CTSH: variants seen among roughly 807,000 people sequenced by gnomAD.
CTSH encodes the protein cathepsin H, also known as pro-cathepsin H.
In CTSH, 52 loss-of-function variants were observed where a neutral mutation model predicts 56.3. The ratio of observed to expected loss-of-function variants is 0.92; its 90% CI spans 0.74 to 1.16. CTSH has a LOEUF of 1.16. Among genes scored for constraint, CTSH ranks in the 50% most tolerant of loss-of-function variants. The probability of loss-of-function intolerance (pLI) is 0.00; values close to 1 mark genes in which losing one functional copy is unlikely to be tolerated. For missense variants in CTSH, 406 were observed against 424.5 expected (o/e 0.96, Z 0.38); for synonymous variants, 174 against 155.7 (o/e 1.12, Z -0.88).
chr15:78,937,738 A>G (rs1413124006), intron 2 of CTSH: 3 of 1,339,422 alleles, frequency 2.2e-6, no homozygotes, highest in Non-Finnish European at 2.9e-6. Context: ...GGTCAAGTTT[A>G]CAGCAAAGAT....
intron 6 of CTSH, chr15:78,932,143 C>A: frequency 9.2e-7 from 1 of 1,085,100 alleles, no homozygotes; most frequent in South Asian, 1.8e-5. Context: ...AAGGACCACC[C>A]AGATCCATCT....
intron 10 of CTSH, 114 bp from the exon 11 acceptor site, chr15:78,923,232 A>G (rs901357681): frequency 3.3e-5 from 37 of 1,134,966 alleles, no homozygotes; most frequent in Non-Finnish European, 4.4e-5. Flanking sequence ...ACAGCGGACC[A>G]GGGAGGCATG....
At chr15:78,928,184 G>A in intron 8 of CTSH, among the ~76,000 whole-genome samples, 1 of 152,140 alleles carries the variant, frequency 6.6e-6, no homozygotes, top group East Asian at 1.9e-4. Flanking sequence ...AGGCAGGAGA[G>A]AAGGCAGCAG....
chr15:78,937,501 G>A lies in CTSH; in HGVS notation c.124-78C>T, dbSNP rs913947537. The stretch of plus-strand genomic sequence containing the variant: ...GAGGGAGACCTTTTTGTTTTCCTAA[G>A]AGGAAAGATGAAGGTTTTCTTTCTG... On this transcript the variant is annotated intron_variant, in intron 2 of 11. Transcript: ENST00000220166. 7.8e-6 allele frequency: 11 copies of A among 1,412,744 alleles called. No homozygotes were observed. In the African/African-American group the frequency reaches 1.2e-4, roughly 15 times the overall value. The allele number at this position is 1,412,744 out of a possible 1,614,324, so 87.5% of individuals were successfully genotyped here.
In CTSH at chr15:78,932,087, C is replaced by T. The variant is rs527570903; in HGVS notation, c.492+285G>A. On this transcript the variant is annotated intron_variant, in intron 6 of 11. Coordinates refer to ENST00000220166, the MANE Select transcript of CTSH (RefSeq NM_004390.5). The stretch of plus-strand genomic sequence containing the variant: ...AGTTGGCTACCCACCAGGCAGGCTC[C>T]GCCTTTCTGAACCCCTCCGCCGGGA... 3.6e-4 allele frequency: 452 copies of T among 1,264,958 alleles called. 4 individuals are homozygous for T. The East Asian group carries it at 0.013, about 36-fold the overall frequency. 78.4% of individuals were successfully genotyped at this position (1,264,958 alleles called of 1,614,324 possible).
At chr15:78,929,134 G>A (rs1044257254) in intron 8 of CTSH, among the ~76,000 whole-genome samples, 1 of 152,102 alleles carries the variant, frequency 6.6e-6, no homozygotes, top group Non-Finnish European at 1.5e-5. Context: ...GGGCAGGTGG[G>A]GGGAAGGAGG....
intron 7 of CTSH, among the ~76,000 whole-genome samples, chr15:78,931,227 A>G (rs1303382813): frequency 2.0e-5 from 3 of 152,146 alleles, no homozygotes; most frequent in African/African-American, 7.2e-5. Flanking sequence ...CAGGTGATAC[A>G]GTGGAGAGAG....
At chr15:78,939,044 T>C (rs2055233579) in intron 2 of CTSH, 96 bp downstream of exon 2, 5 of 1,184,526 alleles carry the variant, frequency 4.2e-6, no homozygotes, top group Non-Finnish European at 6.1e-6. Flanking sequence ...AGTTGGAAAT[T>C]CCCTTTTTCA....
chr15:78,930,044 C>T (rs1329106042), intron 7 of CTSH, among the ~76,000 whole-genome samples: 5 of 152,238 alleles, frequency 3.3e-5, no homozygotes, highest in Admixed American at 3.3e-4. Context: ...CTGTTTCTCT[C>T]CATAGCATTC....
chr15:78,927,916 T>C, intron 8 of CTSH, 135 bp from the exon 9 acceptor site: 1 of 724,396 alleles, frequency 1.4e-6, no homozygotes, highest in South Asian at 1.6e-5. Flanking sequence ...CAGAGAGAAT[T>C]AAAGCATCCT....
intron 2 of CTSH, among the ~76,000 whole-genome samples, chr15:78,938,417 T>C (rs1358465138): frequency 6.6e-6 from 1 of 152,198 alleles, no homozygotes; most frequent in Non-Finnish European, 1.5e-5. Context: ...TCTTCATCCC[T>C]GCTTCCCTGC....
chr15:78,928,269 G>T (rs1249216268), intron 8 of CTSH, among the ~76,000 whole-genome samples: 1 of 152,044 alleles, frequency 6.6e-6, no homozygotes, highest in East Asian at 1.9e-4. Flanking sequence ...TGGGCGTGAG[G>T]TTAAGAAGGG....
rs1403439555 is a variant in CTSH, at chr15:78,921,536, T to G, written c.*594A>C. On this transcript the variant is annotated 3_prime_UTR_variant, in exon 12 of 12. Transcript: ENST00000220166. The stretch of plus-strand genomic sequence containing the variant: ...TTTGAATCCTGCCTCTGCCGCAGCT[T>G]GGCCCGTTTTTCTCCTTCCTCCCCA... The G allele has an allele frequency of 6.6e-6, 1 of 152,670 alleles. No homozygotes were observed. The highest frequency in any genetic ancestry group is 1.5e-5 in the Non-Finnish European group (1 of 68,476). 9.5% of individuals were successfully genotyped at this position (152,670 alleles called of 1,614,324 possible). A position where few individuals can be genotyped will look rare whatever the true frequency, so the allele number is the denominator to read the frequency against.
At chr15:78,923,979 G>A (rs4080191) in intron 10 of CTSH, among the ~76,000 whole-genome samples, 3,127 of 151,976 alleles carry the variant, frequency 0.021, 113 homozygotes, top group African/African-American at 0.071. Flanking sequence ...CTGTCCCTTG[G>A]AAGCCCTGTT....
intron 1 of CTSH, chr15:78,944,625 T>C: frequency 2.3e-6 from 1 of 427,858 alleles, no homozygotes; most frequent in Non-Finnish European, 4.0e-6. Flanking sequence ...TCCTTTGGTA[T>C]TCTAGGCTGG....
At chr15:78,924,687 TG>T (rs1205687331) in intron 10 of CTSH, among the ~76,000 whole-genome samples, 1 of 125,910 alleles carries the variant, frequency 7.9e-6, no homozygotes, top group Non-Finnish European at 1.7e-5. Flanking sequence ...TCTTTAAACA[TG>T]GGTATTTTTT....
rs1231798878 is a variant in CTSH, at chr15:78,922,072, A to AGGC, written c.*55_*57dup. On this transcript the variant is annotated 3_prime_UTR_variant, in exon 12 of 12. Transcript: ENST00000220166. ...TTCCTCCAGGGCAGGATTTCCACCC[A>AGGC]GGCCCAGGCTGCCCGTTCCTCTCCT... The AGGC allele has an allele frequency of 6.0e-6, 9 of 1,491,212 alleles. No homozygotes were observed. In the Admixed American group the frequency reaches 9.9e-5, roughly 16 times the overall value. The allele number at this position is 1,491,212 out of a possible 1,614,324, so 92.4% of individuals were successfully genotyped here. A position where few individuals can be genotyped will look rare whatever the true frequency, so the allele number is the denominator to read the frequency against.
rs1239645271 is a variant in CTSH, at chr15:78,925,451, A to G, written c.700-11T>C. 7 of 1,585,908 alleles carry G rather than the reference A, an allele frequency of 4.4e-6. No individual in the cohort carries two copies. The highest frequency in any genetic ancestry group is 1.3e-5 in the African/African-American group (1 of 74,356). ...CGCTTCCTCGTCATACTGTGGAAAC[A>G]GGACCGAGACAGAAACACATGGCCT... On this transcript the variant is annotated splice_polypyrimidine_tract_variant and intron_variant, in intron 9 of 11. Coordinates refer to ENST00000220166, the MANE Select transcript of CTSH (RefSeq NM_004390.5).
chr15:78,938,313 G>A (rs959722307), intron 2 of CTSH, among the ~76,000 whole-genome samples: 5 of 152,092 alleles, frequency 3.3e-5, no homozygotes, highest in Admixed American at 2.6e-4. Flanking sequence ...AGGTTGCAGT[G>A]AGCCGAGAGT....
Sources: allele counts gnomAD v4.1 joint callset (sites outside exome capture counted in the v4.1 genomes callset), GRCh38; gene constraint gnomAD v4.1.1; transcripts MANE v1.5; gene names NCBI Gene and HGNC (gene_info 2026-07-23, HGNC 2026-07-21).